GALNTL6: variants seen among roughly 807,000 people sequenced by gnomAD.
The protein encoded by GALNTL6 is polypeptide N-acetylgalactosaminyltransferase-like 6.
A neutral mutation model predicts 73.7 loss-of-function variants in GALNTL6; 46 were observed. The ratio of observed to expected loss-of-function variants is 0.62; its 90% confidence interval spans 0.49 to 0.80. The LOEUF (loss-of-function observed/expected upper bound fraction) is 0.80. GALNTL6 is among the 30% of genes least tolerant of loss of function. GALNTL6 has a pLI of 0.00. For synonymous variants in GALNTL6, 259 were observed against 263.7 expected (o/e 0.98, Z 0.17); for missense variants, 604 against 755.0 (o/e 0.80, Z 2.34).
In GALNTL6 at chr4:172,607,391, G is replaced by A. The variant is rs112553598; in HGVS notation, c.554-201970G>A. Among the ~76,000 whole-genome samples the A allele has an allele frequency of 8.7e-3, 1,320 of 151,932 alleles. 21 individuals are homozygous for A. The highest frequency in any genetic ancestry group is 0.03 in the African/African-American group (1,252 of 41,294). ...CTCCCACATATAAGTGAAAACATAC[G>A]GTATTTGGTTTTCTATTCCTGTGTT... On this transcript the variant is annotated intron_variant, in intron 5 of 12. Transcript: ENST00000506823.
intron 2 of GALNTL6, among the ~76,000 whole-genome samples, chr4:171,989,013 A>G (rs537507529): frequency 2.0e-4 from 30 of 152,098 alleles, no homozygotes; most frequent in East Asian, 7.8e-4. Flanking sequence ...TAATAAGGGA[A>G]CTGGGCAGGT....
intron 10 of GALNTL6, among the ~76,000 whole-genome samples, chr4:172,984,097 C>T (rs899649288): frequency 3.9e-5 from 6 of 152,146 alleles, no homozygotes; most frequent in African/African-American, 1.4e-4. Context: ...TGAAAATGTT[C>T]TTAGGCCACC....
chr4:172,211,980 C>T (rs1304704110), intron 2 of GALNTL6, among the ~76,000 whole-genome samples: 1 of 152,088 alleles, frequency 6.6e-6, no homozygotes, highest in Non-Finnish European at 1.5e-5. Flanking sequence ...ACTTTCCGAC[C>T]ATAGCAAGGT....
intron 5 of GALNTL6, among the ~76,000 whole-genome samples, chr4:172,703,229 A>G (rs1365076941): frequency 6.6e-6 from 1 of 151,964 alleles, no homozygotes; most frequent in Non-Finnish European, 1.5e-5. Context: ...TTTCAATACT[A>G]TGTTGAGTAA....
In GALNTL6 at chr4:172,436,103, C is replaced by T. The variant is rs112077728; in HGVS notation, c.553+87414C>T. On this transcript the variant is annotated intron_variant, in intron 5 of 12. Coordinates refer to ENST00000506823, the MANE Select transcript of GALNTL6 (RefSeq NM_001034845.3). ...TATCATGTGTTTAGTTATCCAGGGA[C>T]GTACATGACAATCTCTTTCTTATGT... 6.1e-3 allele frequency among the ~76,000 whole-genome samples: 926 copies of T among 152,168 alleles called. 14 individuals carry two copies. Among genetic ancestry groups the T allele is most frequent in the African/African-American group, 0.021 (883 of 41,508 alleles).
chr4:171,997,408 A>G (rs545031917), intron 2 of GALNTL6, among the ~76,000 whole-genome samples: 4 of 152,194 alleles, frequency 2.6e-5, no homozygotes, highest in African/African-American at 9.6e-5. Flanking sequence ...AACCCATCGT[A>G]AGTTGAACCT....
At chr4:172,120,669 G>T (rs909524407) in intron 2 of GALNTL6, among the ~76,000 whole-genome samples, 1 of 152,008 alleles carries the variant, frequency 6.6e-6, no homozygotes, top group African/African-American at 2.4e-5. Flanking sequence ...ATAAAGTCGG[G>T]GGGTGGGGTG....
At position 172,866,342 on chromosome 4, in the gene GALNTL6, G is replaced by A. The variant is rs74343459; in HGVS notation, c.924-16448G>A. Among the ~76,000 whole-genome samples, 489 of 152,294 alleles carry A rather than the reference G, an allele frequency of 3.2e-3. 2 individuals carry two copies. The highest frequency in any genetic ancestry group is 3.9e-3 in the Non-Finnish European group (265 of 68,016). ...GAGAGAGAGAAGGAGAAGGAGCATA[G>A]GCTAGGCTTTGGTGTCACACTCTCT... On this transcript the variant is annotated intron_variant, in intron 7 of 12. Transcript: ENST00000506823.
chr4:172,847,132 C>A (rs984024381), intron 7 of GALNTL6, among the ~76,000 whole-genome samples: 11 of 152,208 alleles, frequency 7.2e-5, no homozygotes, highest in Non-Finnish European at 1.6e-4. Flanking sequence ...AGCTTTAAAG[C>A]AGCCACTTGA....
intron 9 of GALNTL6, among the ~76,000 whole-genome samples, chr4:172,938,819 A>T (rs1427356760): frequency 2.0e-5 from 3 of 152,224 alleles, no homozygotes; most frequent in African/African-American, 7.2e-5. Flanking sequence ...CTTCCCTCAA[A>T]ACTCAGCCCT....
chr4:172,525,900 G>A (rs1734936097), intron 5 of GALNTL6, among the ~76,000 whole-genome samples: 1 of 152,042 alleles, frequency 6.6e-6, no homozygotes, highest in Admixed American at 6.5e-5. Context: ...GATTGTTTGA[G>A]ATTTACTGGT....
intron 2 of GALNTL6, among the ~76,000 whole-genome samples, chr4:172,099,580 G>T (rs150098121): frequency 6.6e-6 from 1 of 152,190 alleles, no homozygotes; most frequent in African/African-American, 2.4e-5. Flanking sequence ...AGAGGGAATG[G>T]CAAGGGCAAC....
At chr4:173,028,487 T>G (rs902285243) in intron 12 of GALNTL6, among the ~76,000 whole-genome samples, 5 of 152,212 alleles carry the variant, frequency 3.3e-5, no homozygotes, top group Non-Finnish European at 4.4e-5. Context: ...TCTGTACTCC[T>G]ATAGCATTTT....
At position 172,807,201 on chromosome 4, in the gene GALNTL6, G is replaced by A. The variant is rs1461241046; in HGVS notation, c.554-2160G>A. Among the ~76,000 whole-genome samples, 6 of 152,184 alleles carry A rather than the reference G, an allele frequency of 3.9e-5. 1 individual carries two copies. Among genetic ancestry groups the A allele is most frequent in the African/African-American group, 1.4e-4 (6 of 41,460 alleles). On this transcript the variant is annotated intron_variant, in intron 5 of 12. Coordinates refer to ENST00000506823, the MANE Select transcript of GALNTL6 (RefSeq NM_001034845.3). ...CCATCATGTTGGGGAGCACTGAGCAGAGGGGCAGGAGCAAAGAGGCACACA... is the reference window on the plus strand; with the variant it reads ...CCATCATGTTGGGGAGCACTGAGCAAAGGGGCAGGAGCAAAGAGGCACACA...
chr4:172,972,109 A>G (rs2126409691), intron 10 of GALNTL6, among the ~76,000 whole-genome samples: 1 of 152,332 alleles, frequency 6.6e-6, no homozygotes, highest in South Asian at 2.1e-4. Context: ...AAGACATTAT[A>G]ATATCAAAGA....
At chr4:171,871,500 C>T (rs2110895441) in intron 2 of GALNTL6, among the ~76,000 whole-genome samples, 1 of 152,190 alleles carries the variant, frequency 6.6e-6, no homozygotes, top group African/African-American at 2.4e-5. Flanking sequence ...ATTCCCCCCA[C>T]CCCAACTAGA....
At chr4:172,687,691 A>G (rs1733012502) in intron 5 of GALNTL6, among the ~76,000 whole-genome samples, 1 of 151,530 alleles carries the variant, frequency 6.6e-6, no homozygotes, top group Non-Finnish European at 1.5e-5. Flanking sequence ...TCTCCAATTT[A>G]TGCATTTTAA....
intron 3 of GALNTL6, among the ~76,000 whole-genome samples, chr4:172,284,057 T>G (rs1739163951): frequency 6.6e-6 from 1 of 152,152 alleles, no homozygotes; most frequent in African/African-American, 2.4e-5. Flanking sequence ...GAAGGTGGAA[T>G]TTGAAATGCT....
chr4:172,047,153 C>T (rs1742242726), intron 2 of GALNTL6, among the ~76,000 whole-genome samples: 1 of 152,088 alleles, frequency 6.6e-6, no homozygotes, highest in South Asian at 2.1e-4. Context: ...TTTAATTGAC[C>T]CAATTGCTGC....
Sources: allele counts gnomAD v4.1 joint callset (sites outside exome capture counted in the v4.1 genomes callset), GRCh38; gene constraint gnomAD v4.1.1; transcripts MANE v1.5; gene names NCBI Gene and HGNC (gene_info 2026-07-23, HGNC 2026-07-21).